The following FRMD4A variants were observed in gnomAD, a reference collection of about 807,000 sequenced individuals.
FRMD4A encodes FERM domain-containing protein 4A.
In FRMD4A, 29 loss-of-function variants were observed where a neutral mutation model predicts 129.1. The observed-to-expected ratio is 0.22, with a 90% CI of 0.17 to 0.31. The LOEUF (loss-of-function observed/expected upper bound fraction) is 0.31. FRMD4A is among the 10% of genes least tolerant of loss of function. FRMD4A has a pLI of 1.00. For synonymous variants in FRMD4A, 634 were observed against 571.6 expected (o/e 1.11, Z -1.56); for missense variants, 1,272 against 1,375.8 (o/e 0.92, Z 1.19).
chr10:13,744,529 A>G (rs1389949105), intron 9 of FRMD4A: 1 of 152,214 alleles, frequency 6.6e-6, no homozygotes, highest in African/African-American at 2.4e-5. Flanking sequence ...GGTGTATGTC[A>G]TCCCATTTTG....
intron 2 of FRMD4A, among the ~76,000 whole-genome samples, chr10:13,879,916 G>A (rs1467862300): frequency 1.3e-5 from 2 of 151,716 alleles, no homozygotes; most frequent in Non-Finnish European, 2.9e-5. Context: ...AAGTTGCTGG[G>A]ATTACAGGTG....
chr10:13,711,291 C>G (rs1038994070), intron 12 of FRMD4A, among the ~76,000 whole-genome samples: 5 of 152,256 alleles, frequency 3.3e-5, no homozygotes, highest in African/African-American at 1.2e-4. Flanking sequence ...ATACCTCACT[C>G]TGAGGCTGGC....
At chr10:14,201,934 G>C (rs1842648877) in intron 2 of FRMD4A, among the ~76,000 whole-genome samples, 1 of 152,012 alleles carries the variant, frequency 6.6e-6, no homozygotes, top group Admixed American at 6.6e-5. Flanking sequence ...TTTGAGACCA[G>C]CCTGGCCAAC....
chr10:14,185,499 T>TC (rs1398060401), intron 2 of FRMD4A, among the ~76,000 whole-genome samples: 2 of 151,994 alleles, frequency 1.3e-5, no homozygotes, highest in East Asian at 1.9e-4. Context: ...TTTTCTAACT[T>TC]CAAGTATTTT....
chr10:14,217,546 C>T (rs529809303), intron 2 of FRMD4A, among the ~76,000 whole-genome samples: 221 of 152,294 alleles, frequency 1.5e-3, no homozygotes, highest in African/African-American at 4.7e-3. Flanking sequence ...AACTGTGAGT[C>T]CACTAAACCT....
At chr10:14,153,982 A>G (rs2131858870) in intron 2 of FRMD4A, among the ~76,000 whole-genome samples, 1 of 152,222 alleles carries the variant, frequency 6.6e-6, no homozygotes, top group East Asian at 1.9e-4. Flanking sequence ...AACGGCCATG[A>G]CGGGGTCGCG....
chr10:13,971,737 C>T (rs1588632496), intron 2 of FRMD4A: 6 of 1,304,390 alleles, frequency 4.6e-6, no homozygotes, highest in Non-Finnish European at 5.1e-6. Flanking sequence ...AGGTCCTCAG[C>T]GCCCGACAAG....
chr10:14,182,989 TG>T (rs1351513605), intron 2 of FRMD4A, among the ~76,000 whole-genome samples: 21 of 152,022 alleles, frequency 1.4e-4, no homozygotes, highest in Admixed American at 1.3e-3. Context: ...TGTTGGTGCG[TG>T]GGGCTGTCGT....
At chr10:14,306,313 G>T (rs1049188417) in intron 2 of FRMD4A, among the ~76,000 whole-genome samples, 2 of 152,128 alleles carry the variant, frequency 1.3e-5, no homozygotes, top group Non-Finnish European at 2.9e-5. Context: ...AAAGAGGAAG[G>T]AACGGTGAAA....
intron 12 of FRMD4A, among the ~76,000 whole-genome samples, chr10:13,735,062 G>A (rs569627738): frequency 3.9e-5 from 6 of 152,148 alleles, no homozygotes; most frequent in African/African-American, 1.2e-4. Context: ...TAGTAGAGAC[G>A]GAGTTTCACC....
intron 2 of FRMD4A, among the ~76,000 whole-genome samples, chr10:14,123,795 A>G (rs1030301512): frequency 6.6e-6 from 1 of 152,218 alleles, no homozygotes; most frequent in African/African-American, 2.4e-5. Flanking sequence ...AAGCCTTTAC[A>G]TAGCATGTTA....
At chr10:14,300,494 T>C (rs1482133410) in intron 2 of FRMD4A, among the ~76,000 whole-genome samples, 1 of 152,234 alleles carries the variant, frequency 6.6e-6, no homozygotes, top group Non-Finnish European at 1.5e-5. Context: ...GAACTAGCAA[T>C]TGATGTTATC....
chr10:13,902,605 C>T (rs770834157), intron 2 of FRMD4A, among the ~76,000 whole-genome samples: 28 of 151,796 alleles, frequency 1.8e-4, no homozygotes, highest in Middle Eastern at 6.8e-3. Flanking sequence ...CTTGGGAGGC[C>T]GAGGCAGGTG....
chr10:14,135,939 C>T (rs779826666), intron 2 of FRMD4A, among the ~76,000 whole-genome samples: 1 of 152,184 alleles, frequency 6.6e-6, no homozygotes, highest in South Asian at 2.1e-4. Context: ...TATTGAAATG[C>T]ATGTTCAACT....
At chr10:14,318,316 T>TA (rs1316169715) in intron 2 of FRMD4A, among the ~76,000 whole-genome samples, 2,177 of 144,270 alleles carry the variant, frequency 0.015, 26 homozygotes, top group Middle Eastern at 0.025. Context: ...TACCAAGCTA[T>TA]ATCCCCCCCC....
chr10:13,661,244 G>A (rs1239963937), intron 19 of FRMD4A, among the ~76,000 whole-genome samples: 1 of 152,218 alleles, frequency 6.6e-6, no homozygotes, highest in Admixed American at 6.5e-5. Context: ...GGAAAGAAAT[G>A]ATCTAACACG....
chr10:14,068,945 G>A (rs1209069304), intron 2 of FRMD4A, among the ~76,000 whole-genome samples: 1 of 130,164 alleles, frequency 7.7e-6, no homozygotes, highest in African/African-American at 2.9e-5. Context: ...TCTTAAATAC[G>A]TCTCGAATGT....
Position 13,896,772 on chromosome 10 carries a change from A to G in FRMD4A, c.46-37860T>C, listed in dbSNP as rs184264149. 1.6e-4 allele frequency among the ~76,000 whole-genome samples: 24 copies of G among 152,338 alleles called. No homozygotes were observed. In the East Asian group the frequency reaches 4.0e-3, roughly 26 times the overall value. ...TAAGTTACCTGGAAATGAAAACATA[A>G]AAAGAAATAGATTTCCTGTTTCACC... is the stretch of plus-strand genomic sequence containing the variant. On this transcript the variant is annotated intron_variant, in intron 2 of 24. Transcript: ENST00000357447.
At chr10:13,779,788 C>CAAAAA (rs33912813) in intron 6 of FRMD4A, among the ~76,000 whole-genome samples, 2 of 146,878 alleles carry the variant, frequency 1.4e-5, no homozygotes, top group Non-Finnish European at 1.5e-5. Flanking sequence ...AATTCACTCT[C>CAAAAA]AAAAAAAAAA....
Sources: gnomAD v4.1 joint callset for allele counts (sites outside exome capture counted in the v4.1 genomes callset) on GRCh38, gnomAD v4.1.1 for gene constraint, MANE v1.5 for transcripts, NCBI Gene and HGNC (gene_info 2026-07-23, HGNC 2026-07-21) for gene names.